Variants in LRP1B observed in about 807,000 individuals in gnomAD.
LRP1B encodes the protein LDL receptor related protein 1B, also known as low-density lipoprotein receptor-related protein 1B.
LRP1B carries 217 observed loss-of-function variants against 556.6 expected under a neutral mutation model. The observed-to-expected ratio is 0.39, with a 90% confidence interval of 0.35 to 0.44. LRP1B has a LOEUF of 0.44. LRP1B is among the 20% of genes least tolerant of loss of function. LRP1B has a pLI of 1.00. For synonymous variants in LRP1B, 2,047 were observed against 1,865.8 expected, an observed-to-expected ratio of 1.10 and a Z score of -2.50; for missense variants, 5,053 against 5,620.8, an observed-to-expected ratio of 0.90 and a Z score of 3.23.
rs576508077 is a variant in LRP1B at position 141,669,529 on chromosome 2, T to C, written c.205+140750A>G. ...AGGCAGGGAAGGTGTTCTACTGTCTTTTGGTCTTCGGTGCACTCTATTTCT... is the reference window on the plus strand; with the variant it reads ...AGGCAGGGAAGGTGTTCTACTGTCTCTTGGTCTTCGGTGCACTCTATTTCT... On this transcript the variant is annotated intron_variant, in intron 2 of 90. Coordinates refer to ENST00000389484, the MANE Select transcript of LRP1B (RefSeq NM_018557.3). 9.9e-5 allele frequency among the ~76,000 whole-genome samples: 15 copies of C among 152,140 alleles called. No homozygotes were observed. In the East Asian group the frequency reaches 2.7e-3, roughly 28 times the overall value.
At chr2:140,967,253 C>G (rs1025496558) in intron 18 of LRP1B, among the ~76,000 whole-genome samples, 1 of 151,860 alleles carries the variant, frequency 6.6e-6, no homozygotes, top group African/African-American at 2.4e-5. Flanking sequence ...CAAAGGGGTT[C>G]TTCACATCCC....
chr2:141,735,735 T>C (rs1693440608), intron 2 of LRP1B, among the ~76,000 whole-genome samples: 1 of 152,152 alleles, frequency 6.6e-6, no homozygotes, highest in Admixed American at 6.6e-5. Flanking sequence ...GTGGATATTA[T>C]ATTTAGAAAT....
intron 7 of LRP1B, among the ~76,000 whole-genome samples, chr2:141,089,606 C>T (rs550563506): frequency 6.6e-6 from 1 of 152,302 alleles, no homozygotes; most frequent in East Asian, 1.9e-4. Context: ...GTTTAGCATG[C>T]TACCACTGTG....
At chr2:140,715,501 T>C (rs1687178338) in intron 37 of LRP1B, among the ~76,000 whole-genome samples, 1 of 152,006 alleles carries the variant, frequency 6.6e-6, no homozygotes, top group Non-Finnish European at 1.5e-5. Context: ...CAGTTAGTTA[T>C]ACTTATTTAG....
At chr2:142,033,475 C>A (rs553789629) in intron 1 of LRP1B, among the ~76,000 whole-genome samples, 1 of 151,776 alleles carries the variant, frequency 6.6e-6, no homozygotes, top group African/African-American at 2.4e-5. Flanking sequence ...CTCCTGGAAT[C>A]TATTCCTGAC....
intron 18 of LRP1B, among the ~76,000 whole-genome samples, chr2:140,957,262 G>A (rs1030112502): frequency 3.0e-4 from 46 of 151,772 alleles, no homozygotes; most frequent in Non-Finnish European, 3.0e-4. Context: ...AACAAGAGGA[G>A]AAGGAGTGCT....
chr2:141,737,610 C>G (rs774970132), intron 2 of LRP1B, among the ~76,000 whole-genome samples: 17 of 151,990 alleles, frequency 1.1e-4, no homozygotes, highest in Non-Finnish European at 2.2e-4. Context: ...TCTTGTTTAC[C>G]CCATCATGTT....
At chr2:141,340,982 C>A (rs748277680) in intron 3 of LRP1B, among the ~76,000 whole-genome samples, 1 of 152,058 alleles carries the variant, frequency 6.6e-6, no homozygotes, top group African/African-American at 2.4e-5. Flanking sequence ...CAGACAAAAC[C>A]AAGCCCAGGT....
intron 2 of LRP1B, among the ~76,000 whole-genome samples, chr2:141,514,014 T>C (rs1422963779): frequency 1.3e-5 from 2 of 152,206 alleles, no homozygotes; most frequent in African/African-American, 4.8e-5. Context: ...GTCACCTATG[T>C]ATAGTTTCTG....
chr2:141,974,129 C>T (rs191321972), intron 1 of LRP1B, among the ~76,000 whole-genome samples: 15 of 152,106 alleles, frequency 9.9e-5, no homozygotes, highest in African/African-American at 3.4e-4. Flanking sequence ...AAAGCTACTT[C>T]TCCCTTTATA....
intron 2 of LRP1B, among the ~76,000 whole-genome samples, chr2:141,765,364 T>C (rs772109106): frequency 6.6e-6 from 1 of 152,346 alleles, no homozygotes; most frequent in Non-Finnish European, 1.5e-5. Flanking sequence ...AAAAGGTTTT[T>C]CATTCATAAA....
At chr2:140,878,945 T>C (rs1194813172) in intron 25 of LRP1B, among the ~76,000 whole-genome samples, 1 of 148,616 alleles carries the variant, frequency 6.7e-6, no homozygotes, top group East Asian at 2.0e-4. Context: ...GCTGAGATCA[T>C]GCCACTGTAC....
At position 140,232,577 on chromosome 2, in the gene LRP1B, T is replaced by G. The variant is rs913306203; in HGVS notation, c.*609A>C. 5.9e-5 allele frequency: 9 copies of G among 151,764 alleles called. No homozygotes were observed. Among genetic ancestry groups the G allele is most frequent in the African/African-American group, 1.9e-4 (8 of 41,334 alleles). The allele number at this position is 151,764 out of a possible 1,614,324, so 9.4% of individuals were successfully genotyped here. A position where few individuals can be genotyped will look rare whatever the true frequency, so the allele number is the denominator to read the frequency against. On this transcript the variant is annotated 3_prime_UTR_variant, in exon 91 of 91. Transcript: ENST00000389484. ...TGGAAAATGTAGTCATCTGTGTTCATGCAAATTATTAATTTTACATATTTT... is the reference window on the plus strand; with the variant it reads ...TGGAAAATGTAGTCATCTGTGTTCAGGCAAATTATTAATTTTACATATTTT...
chr2:141,386,014 G>A (rs1347101654), intron 3 of LRP1B, among the ~76,000 whole-genome samples: 1 of 152,096 alleles, frequency 6.6e-6, no homozygotes, highest in African/African-American at 2.4e-5. Flanking sequence ...ACAAATGATG[G>A]TGATTAAAAC....
chr2:141,155,593 A>G lies in LRP1B; in HGVS notation c.1013+32828T>C, dbSNP rs528983140. On this transcript the variant is annotated intron_variant, in intron 7 of 90. Coordinates refer to ENST00000389484, the MANE Select transcript of LRP1B (RefSeq NM_018557.3). ...GCTGCACCTATCAACCAAAACACAT[A>G]TCCTTCTATACTTTTGATTTTTTAT... Among the ~76,000 whole-genome samples the G allele has an allele frequency of 3.9e-5, 6 of 151,974 alleles. No individual in the cohort carries two copies. The East Asian group carries it at 7.7e-4, about 20-fold the overall frequency.
At chr2:140,897,497 G>A (rs182454020) in intron 23 of LRP1B, among the ~76,000 whole-genome samples, 117 of 152,294 alleles carry the variant, frequency 7.7e-4, no homozygotes, top group African/African-American at 2.7e-3. Flanking sequence ...TTGGACTGAA[G>A]GATGCAAAGT....
At chr2:140,326,647 A>G (rs1328866173) in intron 79 of LRP1B, among the ~76,000 whole-genome samples, 2 of 151,992 alleles carry the variant, frequency 1.3e-5, no homozygotes, top group African/African-American at 2.4e-5. Context: ...CCTGGGAGGC[A>G]GAGGTCAGTG....
At chr2:141,808,427 C>A (rs1399193028) in intron 2 of LRP1B, among the ~76,000 whole-genome samples, 1 of 152,036 alleles carries the variant, frequency 6.6e-6, no homozygotes, top group African/African-American at 2.4e-5. Context: ...AAGGAGAGGG[C>A]TAAAGCTTAA....
intron 90 of LRP1B, 110 bp from the exon 91 acceptor site, chr2:140,233,436 A>G (rs1418283641): frequency 4.7e-6 from 3 of 634,560 alleles, no homozygotes; most frequent in South Asian, 6.3e-5. Context: ...TATGCAATAC[A>G]TTTAATTTAT....
Sources: gnomAD v4.1 joint callset for allele counts (sites outside exome capture counted in the v4.1 genomes callset) on GRCh38, gnomAD v4.1.1 for gene constraint, MANE v1.5 for transcripts, NCBI Gene and HGNC (gene_info 2026-07-23, HGNC 2026-07-21) for gene names.